Variants in CASD1 observed in about 807,000 individuals in gnomAD.
CASD1 encodes the protein N-acetylneuraminate (7)9-O-acetyltransferase.
In CASD1, 41 loss-of-function variants were observed where a neutral mutation model predicts 100.0. The ratio of observed to expected loss-of-function variants is 0.41; its 90% confidence interval spans 0.32 to 0.53. CASD1 has a LOEUF of 0.53. Among genes scored for constraint, CASD1 ranks in the 20% least tolerant of loss-of-function variants. The pLI is 0.25. For missense variants in CASD1, 774 were observed against 948.7 expected, an observed-to-expected ratio of 0.82 and a Z score of 2.42; for synonymous variants, 321 against 315.6, an observed-to-expected ratio of 1.02 and a Z score of -0.18.
At chr7:94,547,281 A>C in intron 13 of CASD1, 106 bp downstream of exon 13, 1 of 669,238 alleles carries the variant, frequency 1.5e-6, no homozygotes. Flanking sequence ...TTCATTTTTT[A>C]ATGACTGTAA....
intron 11 of CASD1, among the ~76,000 whole-genome samples, chr7:94,545,077 C>G (rs185284421): frequency 2.4e-4 from 37 of 152,228 alleles, no homozygotes; most frequent in African/African-American, 8.7e-4. Context: ...TCTGAAATGA[C>G]TCTTATTAAA....
the CASD1 span, among the ~76,000 whole-genome samples, chr7:94,593,669 A>G: frequency 6.6e-6 from 1 of 152,000 alleles, no homozygotes; most frequent in Admixed American, 6.6e-5. Context: ...TTCCTCAGGC[A>G]GTTTAAGGAG....
chr7:94,600,894 C>G, the CASD1 span: 1 of 1,488,060 alleles, frequency 6.7e-7, no homozygotes, highest in Non-Finnish European at 9.3e-7. Flanking sequence ...ACAAATTAAT[C>G]GTTGCAAACA....
At chr7:94,546,521 ATT>A (rs1795690015) in intron 12 of CASD1, among the ~76,000 whole-genome samples, 1 of 152,016 alleles carries the variant, frequency 6.6e-6, no homozygotes, top group African/African-American at 2.4e-5. Context: ...TCTAGCCTCT[ATT>A]AAAGTCCAGT....
At chr7:94,567,574 G>A in the CASD1 span, among the ~76,000 whole-genome samples, 1 of 152,228 alleles carries the variant, frequency 6.6e-6, no homozygotes, top group East Asian at 1.9e-4. Flanking sequence ...GAGTTTGTAA[G>A]CCCCTGTCTC....
At chr7:94,529,242 G>A (rs1794731734) in intron 5 of CASD1, among the ~76,000 whole-genome samples, 2 of 152,130 alleles carry the variant, frequency 1.3e-5, no homozygotes, top group Non-Finnish European at 2.9e-5. Context: ...GTGCTGGACT[G>A]AAAATGTATT....
At chr7:94,624,077 C>T in the CASD1 span, 1 of 394,504 alleles carries the variant, frequency 2.5e-6, no homozygotes, top group East Asian at 3.6e-5. Flanking sequence ...AAAGCAAAGG[C>T]CAACAACAGG....
At position 94,556,630 on chromosome 7, in the gene CASD1, TACCC is replaced by T. The variant is rs949238365; in HGVS notation, c.*876_*879del. 6.6e-6 allele frequency: 1 copy of T among 152,054 alleles called. No individual in the cohort carries two copies. Among genetic ancestry groups the T allele is most frequent in the African/African-American group, 2.4e-5 (1 of 41,450 alleles). 9.4% of individuals were successfully genotyped at this position (152,054 alleles called of 1,614,324 possible). A position where few individuals can be genotyped will look rare whatever the true frequency, so the allele number is the denominator to read the frequency against. On this transcript the variant is annotated 3_prime_UTR_variant, in exon 18 of 18. Transcript: ENST00000297273. ...TTTATAGCCATTTGGTATTTCCTAT[TACCC>T]ACCTCCTATTTTAAATATTTATCAG...
At chr7:94,544,155 A>C (rs1795556878) in intron 10 of CASD1, among the ~76,000 whole-genome samples, 1 of 152,156 alleles carries the variant, frequency 6.6e-6, no homozygotes. Flanking sequence ...GAATAGTCTC[A>C]TTTTGCAAAT....
the CASD1 span, among the ~76,000 whole-genome samples, chr7:94,564,290 T>C: frequency 1.3e-5 from 2 of 152,186 alleles, no homozygotes; most frequent in African/African-American, 4.8e-5. Context: ...TGTAGTGTAC[T>C]GATATTCCTC....
intron 3 of CASD1, among the ~76,000 whole-genome samples, chr7:94,522,349 A>G (rs1380506719): frequency 6.6e-6 from 1 of 152,250 alleles, no homozygotes; most frequent in Non-Finnish European, 1.5e-5. Flanking sequence ...GGATACAGAA[A>G]GTCACTTTCT....
chr7:94,628,118 C>T, the CASD1 span: 2 of 1,139,114 alleles, frequency 1.8e-6, no homozygotes, highest in Non-Finnish European at 2.6e-6. Flanking sequence ...AGTTTCAACA[C>T]TTAAAACTCA....
chr7:94,574,026 C>A, the CASD1 span, among the ~76,000 whole-genome samples: 4 of 152,072 alleles, frequency 2.6e-5, no homozygotes, highest in South Asian at 8.3e-4. Context: ...TGTGATTAAT[C>A]ACATTTATTG....
chr7:94,570,236 C>T, the CASD1 span, among the ~76,000 whole-genome samples: 3 of 152,074 alleles, frequency 2.0e-5, no homozygotes, highest in African/African-American at 7.2e-5. Flanking sequence ...TCCACTACTG[C>T]CTCTTTTCAT....
At chr7:94,533,183 A>G (rs1310829991) in intron 5 of CASD1, 22 bp from the exon 6 acceptor site, 6 of 1,587,138 alleles carry the variant, frequency 3.8e-6, no homozygotes, top group Non-Finnish European at 5.2e-6. Context: ...TAATACTATG[A>G]TAAAGATTTG....
chr7:94,630,472 T>C, the CASD1 span, among the ~76,000 whole-genome samples: 1 of 151,884 alleles, frequency 6.6e-6, no homozygotes, highest in Non-Finnish European at 1.5e-5. Flanking sequence ...ATTCAAACAA[T>C]ATAATCTATT....
At chr7:94,632,371 C>T in the CASD1 span, among the ~76,000 whole-genome samples, 49 of 152,136 alleles carry the variant, frequency 3.2e-4, no homozygotes, top group East Asian at 5.6e-3. Flanking sequence ...AACATTTCTG[C>T]GTTCTACAGA....
chr7:94,565,348 G>A, the CASD1 span, among the ~76,000 whole-genome samples: 1 of 152,028 alleles, frequency 6.6e-6, no homozygotes. Flanking sequence ...AAACACCTCT[G>A]GTGCTCTGTA....
At chr7:94,594,762 A>G in the CASD1 span, among the ~76,000 whole-genome samples, 1 of 152,168 alleles carries the variant, frequency 6.6e-6, no homozygotes, top group Admixed American at 6.6e-5. Context: ...ATTCCAAAAT[A>G]AAAAGTTTAT....
Sources: gnomAD v4.1 joint callset for allele counts (sites outside exome capture counted in the v4.1 genomes callset) on GRCh38, gnomAD v4.1.1 for gene constraint, MANE v1.5 for transcripts, NCBI Gene and HGNC (gene_info 2026-07-23, HGNC 2026-07-21) for gene names.